Variants in H2BC26 observed in about 807,000 individuals in gnomAD.
The protein encoded by H2BC26 is histone H2B type 3-B.
the H2BC26 span, chr1:228,458,300 C>T: frequency 8.3e-4 from 1,340 of 1,614,208 alleles, 35 homozygotes; most frequent in East Asian, 0.025. Flanking sequence ...GCATCTCGTC[C>T]AAGGCCATGG....
the H2BC26 span, chr1:228,458,165 G>A: frequency 1.2e-6 from 2 of 1,612,656 alleles, no homozygotes; most frequent in African/African-American, 1.3e-5. Context: ...CTGCGCCCAA[G>A]AAGGGTTCTA....
the H2BC26 span, chr1:228,458,345 G>A: frequency 6.2e-7 from 1 of 1,614,194 alleles, no homozygotes; most frequent in Non-Finnish European, 8.5e-7. Context: ...ACATCTTCGA[G>A]CGCATCGCCA....
the H2BC26 span, chr1:228,458,132 GC>G: frequency 6.2e-7 from 1 of 1,601,828 alleles, no homozygotes; most frequent in Non-Finnish European, 8.5e-7. Flanking sequence ...CAGCCATCAT[GC>G]CAGACCCGTC....
At chr1:228,458,229 C>T in the H2BC26 span, 14 of 1,614,076 alleles carry the variant, frequency 8.7e-6, no homozygotes, top group Admixed American at 1.0e-4. Context: ...CAAGCGCGGC[C>T]GCAAGGAGAG....
chr1:228,458,463 G>T, the H2BC26 span: 1 of 1,614,184 alleles, frequency 6.2e-7, no homozygotes, highest in Non-Finnish European at 8.5e-7. Flanking sequence ...CAAGCACGCC[G>T]TGTCCGAGGG....
At chr1:228,458,124 G>A in the H2BC26 span, 3 of 1,580,034 alleles carry the variant, frequency 1.9e-6, no homozygotes, top group South Asian at 2.3e-5. Flanking sequence ...GAGAGACTCA[G>A]CCATCATGCC....
the H2BC26 span, chr1:228,458,288 C>A: frequency 1.2e-6 from 2 of 1,614,208 alleles, no homozygotes; most frequent in Non-Finnish European, 1.7e-6. Flanking sequence ...ACCCCGACAC[C>A]GGCATCTCGT....
At chr1:228,458,178 A>G in the H2BC26 span, 5 of 1,613,738 alleles carry the variant, frequency 3.1e-6, no homozygotes, top group Non-Finnish European at 4.2e-6. Context: ...GGGTTCTAAA[A>G]AGGCTGTCAC....
the H2BC26 span, chr1:228,458,532 C>T: frequency 4.3e-6 from 7 of 1,613,918 alleles, no homozygotes; most frequent in Non-Finnish European, 8.5e-7. Flanking sequence ...GCGTCCTGAA[C>T]CCAAAGGCTC....
chr1:228,458,394 A>C, the H2BC26 span: 1 of 1,614,206 alleles, frequency 6.2e-7, no homozygotes, highest in Non-Finnish European at 8.5e-7. Flanking sequence ...CAAGCGCTCC[A>C]CCATCACGTC....
the H2BC26 span, chr1:228,458,138 C>A: frequency 1.1e-5 from 18 of 1,604,404 alleles, no homozygotes; most frequent in East Asian, 2.2e-5. Context: ...TCATGCCAGA[C>A]CCGTCCAAAT....
chr1:228,458,441 C>G, the H2BC26 span: 1 of 1,614,186 alleles, frequency 6.2e-7, no homozygotes, highest in African/African-American at 1.3e-5. Flanking sequence ...TGCTGCTGCC[C>G]GGCGAGCTGG....
chr1:228,458,338 T>C, the H2BC26 span: 2 of 1,614,176 alleles, frequency 1.2e-6, no homozygotes, highest in Non-Finnish European at 1.7e-6. Flanking sequence ...GTCAATGACA[T>C]CTTCGAGCGC....
the H2BC26 span, chr1:228,458,312 C>T: frequency 1.6e-4 from 261 of 1,614,246 alleles, 3 homozygotes; most frequent in Middle Eastern, 9.6e-3. Context: ...AGGCCATGGG[C>T]ATCATGAACT....
chr1:228,458,384 C>T, the H2BC26 span: 6 of 1,614,236 alleles, frequency 3.7e-6, no homozygotes, highest in East Asian at 4.5e-5. Flanking sequence ...CACACTACAA[C>T]AAGCGCTCCA....
At chr1:228,458,477 C>T in the H2BC26 span, 45 of 1,614,126 alleles carry the variant, frequency 2.8e-5, no homozygotes, top group South Asian at 1.9e-4. Flanking sequence ...CCGAGGGCAC[C>T]AAGGCTGTCA....
At chr1:228,458,289 G>A in the H2BC26 span, 29 of 1,614,080 alleles carry the variant, frequency 1.8e-5, no homozygotes, top group Non-Finnish European at 2.3e-5. Flanking sequence ...CCCCGACACC[G>A]GCATCTCGTC....
chr1:228,458,127 A>C, the H2BC26 span: 21 of 1,586,816 alleles, frequency 1.3e-5, no homozygotes, highest in Non-Finnish European at 1.6e-5. Context: ...AGACTCAGCC[A>C]TCATGCCAGA....
the H2BC26 span, chr1:228,458,196 C>T: frequency 7.4e-6 from 12 of 1,614,098 alleles, no homozygotes; most frequent in Non-Finnish European, 9.3e-6. Flanking sequence ...CACCAAGGCA[C>T]AGAAGAAGGA....
Sources: allele counts gnomAD v4.1 joint callset, GRCh38; gene constraint gnomAD v4.1.1; transcripts MANE v1.5; gene names NCBI Gene and HGNC (gene_info 2026-07-23, HGNC 2026-07-21).